Variants in SPDYE14 observed in about 807,000 individuals in gnomAD.
SPDYE14 encodes speedy protein E14.
the SPDYE14 span, among the ~76,000 whole-genome samples, chr7:75,279,183 G>GCA: frequency 1.1e-5 from 1 of 90,526 alleles, no homozygotes; most frequent in Non-Finnish European, 2.1e-5. Context: ...CTAGAGAGGT[G>GCA]TGTGTGCAGG....
the SPDYE14 span, among the ~76,000 whole-genome samples, chr7:75,256,827 AAAAAAAAAAAAAG>A: frequency 2.3e-4 from 3 of 12,962 alleles, 1 homozygote; most frequent in African/African-American, 5.2e-4. Flanking sequence ...AGAAAAAAAA[AAAAAAAAAAAAAG>A]ACCGGGTGCG....
chr7:75,261,546 C>T, the SPDYE14 span, among the ~76,000 whole-genome samples: 33 of 43,536 alleles, frequency 7.6e-4, no homozygotes, highest in African/African-American at 2.1e-3. Context: ...TCACTGCAGC[C>T]TCTTAACTCC....
chr7:75,279,033 G>A, the SPDYE14 span, among the ~76,000 whole-genome samples: 19 of 120,178 alleles, frequency 1.6e-4, 5 homozygotes, highest in Non-Finnish European at 3.2e-4. Context: ...AATACTCAGT[G>A]TTGGCAGAGA....
chr7:75,268,877 G>A, the SPDYE14 span, among the ~76,000 whole-genome samples: 1 of 25,868 alleles, frequency 3.9e-5, no homozygotes, highest in African/African-American at 8.3e-5. Flanking sequence ...GAGAGAGAGA[G>A]AGAGAGAGAG....
chr7:75,277,979 G>A, the SPDYE14 span, among the ~76,000 whole-genome samples: 6 of 26,584 alleles, frequency 2.3e-4, no homozygotes, highest in African/African-American at 5.0e-4. Context: ...GTGTTGACAA[G>A]TCCTTGTTGT....
At chr7:75,237,726 G>T in the SPDYE14 span, 1 of 113,052 alleles carries the variant, frequency 8.8e-6, no homozygotes, top group African/African-American at 2.5e-5. Context: ...TCAAACGCCG[G>T]TCCCCGCTGC....
chr7:75,241,693 A>AT, the SPDYE14 span, among the ~76,000 whole-genome samples: 9 of 22,736 alleles, frequency 4.0e-4, no homozygotes, highest in Admixed American at 7.7e-4. Context: ...ATATATATAT[A>AT]TATTTTTTTT....
At chr7:75,264,424 A>G in the SPDYE14 span, among the ~76,000 whole-genome samples, 860 of 31,592 alleles carry the variant, frequency 0.027, 241 homozygotes, top group East Asian at 0.15. Flanking sequence ...CATTGTATAT[A>G]ACTGGTATCA....
At chr7:75,260,604 CTG>C in the SPDYE14 span, among the ~76,000 whole-genome samples, 2 of 46,500 alleles carry the variant, frequency 4.3e-5, 1 homozygote, top group Non-Finnish European at 1.1e-4. Context: ...GAGAGGGAAA[CTG>C]AGGCTCAGAG....
At chr7:75,238,023 A>C in the SPDYE14 span, among the ~76,000 whole-genome samples, 11 of 110,052 alleles carry the variant, frequency 1.0e-4, no homozygotes, top group African/African-American at 2.8e-4. Flanking sequence ...AAACCAGACG[A>C]CTCCGGTGCT....
the SPDYE14 span, among the ~76,000 whole-genome samples, chr7:75,275,038 C>G: frequency 3.2e-5 from 2 of 62,452 alleles, 1 homozygote; most frequent in African/African-American, 7.7e-5. Context: ...GCCAGCCGCC[C>G]CGTCCGGGAG....
chr7:75,258,254 A>G, the SPDYE14 span, among the ~76,000 whole-genome samples: 5 of 57,256 alleles, frequency 8.7e-5, 2 homozygotes, highest in South Asian at 2.2e-3. Context: ...CCATTAACTC[A>G]TCATTTACAT....
the SPDYE14 span, among the ~76,000 whole-genome samples, chr7:75,247,588 CTT>C: frequency 5.2e-4 from 8 of 15,294 alleles, no homozygotes; most frequent in South Asian, 4.1e-3. Flanking sequence ...ATTAATTCTT[CTT>C]TTTTTTTTTT....
At chr7:75,249,485 T>C in the SPDYE14 span, among the ~76,000 whole-genome samples, 1 of 126,744 alleles carries the variant, frequency 7.9e-6, no homozygotes, top group African/African-American at 3.1e-5. Context: ...TTGTAGCCAT[T>C]TTGGGAAAAT....
the SPDYE14 span, among the ~76,000 whole-genome samples, chr7:75,256,859 T>G: frequency 1.0e-4 from 1 of 9,946 alleles, no homozygotes; most frequent in African/African-American, 2.5e-4. Context: ...CGGTGGTGGC[T>G]CATGCCTGTA....
At chr7:75,274,871 C>G in the SPDYE14 span, among the ~76,000 whole-genome samples, 2 of 70,702 alleles carry the variant, frequency 2.8e-5, 1 homozygote, top group Non-Finnish European at 7.0e-5. Flanking sequence ...AACTGAACAT[C>G]TTTTTTCCTC....
chr7:75,245,675 CAT>C, the SPDYE14 span, among the ~76,000 whole-genome samples: 2 of 44,778 alleles, frequency 4.5e-5, no homozygotes, highest in East Asian at 7.6e-4. Context: ...GATGTGCTAT[CAT>C]GTGTAAAATG....
the SPDYE14 span, among the ~76,000 whole-genome samples, chr7:75,264,101 T>TA: frequency 1.5e-4 from 13 of 88,452 alleles, 3 homozygotes; most frequent in Admixed American, 5.1e-4. Context: ...ATTCAGCAGT[T>TA]AAAAAAAAAG....
At chr7:75,279,180 G>GT in the SPDYE14 span, among the ~76,000 whole-genome samples, 1 of 68,832 alleles carries the variant, frequency 1.5e-5, no homozygotes, top group African/African-American at 7.3e-5. Flanking sequence ...GTTCTAGAGA[G>GT]GTGTGTGTGC....
Sources: gnomAD v4.1 joint callset for allele counts (sites outside exome capture counted in the v4.1 genomes callset) on GRCh38, gnomAD v4.1.1 for gene constraint, MANE v1.5 for transcripts, NCBI Gene and HGNC (gene_info 2026-07-23, HGNC 2026-07-21) for gene names.